Variants in RRM2B observed in about 807,000 individuals in gnomAD.
The protein encoded by RRM2B is ribonucleotide reductase regulatory TP53 inducible subunit M2B, also known as ribonucleoside-diphosphate reductase subunit M2 B.
A neutral mutation model predicts 45.9 loss-of-function variants in RRM2B; 20 were observed. The ratio of observed to expected loss-of-function variants is 0.44; its 90% CI spans 0.31 to 0.63. The LOEUF is 0.63. RRM2B is among the 30% of genes least tolerant of loss of function. The pLI, the probability that RRM2B is intolerant of heterozygous loss-of-function variation, is 0.09. For synonymous variants in RRM2B, 124 were observed against 132.3 expected (o/e 0.94, Z 0.43); for missense variants, 320 against 414.7 (o/e 0.77, Z 1.98).
chr8:102,222,468 T>C (rs1337774809), intron 5 of RRM2B, among the ~76,000 whole-genome samples: 3 of 152,210 alleles, frequency 2.0e-5, no homozygotes, highest in Non-Finnish European at 4.4e-5. Context: ...ATACGCACTA[T>C]ATCACTGGTT....
intron 2 of RRM2B, 77 bp downstream of exon 2, chr8:102,232,072 G>A (rs746900438): frequency 4.0e-5 from 52 of 1,299,558 alleles, no homozygotes; most frequent in Non-Finnish European, 4.7e-5. Context: ...ATAAGTTAAA[G>A]TTATTCAATA....
chr8:102,215,017 AC>A lies in RRM2B; in HGVS notation c.685-860del, dbSNP rs1162124727. Among the ~76,000 whole-genome samples the A allele has an allele frequency of 2.0e-5, 3 of 148,262 alleles. No individual in the cohort carries two copies. In the South Asian group the frequency reaches 6.4e-4, roughly 31 times the overall value. On this transcript the variant is annotated intron_variant, in intron 6 of 8. Coordinates refer to ENST00000251810, the MANE Select transcript of RRM2B (RefSeq NM_015713.5). ...CCTACAATAATCAGGACTCCAAAAC[AC>A]AGAATAGATAGTATAGAGCTAAATA...
At chr8:102,226,533 G>C (rs1229018655) in intron 2 of RRM2B, among the ~76,000 whole-genome samples, 1 of 152,032 alleles carries the variant, frequency 6.6e-6, no homozygotes, top group Non-Finnish European at 1.5e-5. Flanking sequence ...GTAAAAACTA[G>C]TCAAGAAGGC....
chr8:102,207,882 C>A lies in RRM2B; in HGVS notation c.*251G>T. ...GCAGAACCTTAGACTCATGTCTGAC[C>A]CCTCGCCCCATGCTCTTAACCACAT... On this transcript the variant is annotated 3_prime_UTR_variant, in exon 9 of 9. Transcript: ENST00000251810. 2.4e-6 allele frequency: 1 copy of A among 415,420 alleles called. No homozygotes were observed. Among genetic ancestry groups the A allele is most frequent in the Non-Finnish European group, 4.4e-6 (1 of 226,520 alleles). 25.7% of individuals were successfully genotyped at this position (415,420 alleles called of 1,614,324 possible). A position where few individuals can be genotyped will look rare whatever the true frequency, so the allele number is the denominator to read the frequency against.
chr8:102,219,187 G>C (rs1214277501), intron 5 of RRM2B, among the ~76,000 whole-genome samples: 5 of 152,188 alleles, frequency 3.3e-5, no homozygotes, highest in Non-Finnish European at 4.4e-5. Context: ...CTTGGCGTTG[G>C]ACAAAGAAGG....
At chr8:102,220,877 T>C (rs546257741) in intron 5 of RRM2B, among the ~76,000 whole-genome samples, 2 of 152,264 alleles carry the variant, frequency 1.3e-5, no homozygotes, top group South Asian at 4.1e-4. Context: ...TGAGAACATA[T>C]GTGAAATAAA....
chr8:102,229,177 C>T (rs1284146187), intron 2 of RRM2B, among the ~76,000 whole-genome samples: 3 of 152,066 alleles, frequency 2.0e-5, no homozygotes, highest in African/African-American at 7.2e-5. Context: ...CGCTTGAACC[C>T]AGGAGGAGGA....
chr8:102,224,966 C>T lies in RRM2B; in HGVS notation c.374G>A (p.Gly125Asp). 1.2e-6 allele frequency: 2 copies of T among 1,614,024 alleles called. No homozygotes were observed. Among genetic ancestry groups the T allele is most frequent in the Non-Finnish European group, 1.7e-6 (2 of 1,179,950 alleles). ...AACATTCTCGATGAGAATTTGAAAG[C>T]CATAGAAACAGCGAGCCTCTGGAAC... is the stretch of plus-strand genomic sequence containing the variant. ...VQVPEARCFY[G>D]FQILIENVHS... Residue 125 changes from glycine to aspartate, a missense_variant, in exon 4 of 9, where the codon GGC (glycine) becomes GAC (aspartate). This residue lies in a region of RRM2B where 225 missense variants were observed against 289.4 expected (regional missense o/e 0.78). Transcript: ENST00000251810.
chr8:102,207,360 T>C lies in RRM2B; in HGVS notation c.*773A>G, dbSNP rs1414285827. 1 of 152,196 alleles carries C rather than the reference T, an allele frequency of 6.6e-6. No individual in the cohort carries two copies. The highest frequency in any genetic ancestry group is 1.5e-5 in the Non-Finnish European group (1 of 68,038). The allele number at this position is 152,196 out of a possible 1,614,324, so 9.4% of individuals were successfully genotyped here. On this transcript the variant is annotated 3_prime_UTR_variant, in exon 9 of 9. Coordinates refer to ENST00000251810, the MANE Select transcript of RRM2B (RefSeq NM_015713.5). The stretch of plus-strand genomic sequence containing the variant: ...AACATTCCAGAGCTAAATCTGGCAA[T>C]AGTTATGTTTTTAATTTCTGAAGAA...
chr8:102,212,645 A>C (rs1810655019), intron 8 of RRM2B, 131 bp downstream of exon 8: 1 of 610,386 alleles, frequency 1.6e-6, no homozygotes, highest in African/African-American at 1.9e-5. Context: ...TGTTCATACA[A>C]AACAAGTCTC....
chr8:102,213,243 G>A (rs1810665900), intron 7 of RRM2B, among the ~76,000 whole-genome samples: 1 of 152,066 alleles, frequency 6.6e-6, no homozygotes, highest in Non-Finnish European at 1.5e-5. Context: ...TGATCATCAT[G>A]AAGAACATGA....
Position 102,238,947 on chromosome 8 carries a change from C to T in RRM2B, c.-73G>A. 1 of 1,485,878 alleles carries T rather than the reference C, an allele frequency of 6.7e-7. No individual in the cohort carries two copies. The allele number at this position is 1,485,878 out of a possible 1,614,324, so 92.0% of individuals were successfully genotyped here. A position where few individuals can be genotyped will look rare whatever the true frequency, so the allele number is the denominator to read the frequency against. Reference sequence around the variant, plus strand: ...CAGGCCACCTCCAACTACGACAGCACCCAGGTGGTCCGCTGGTCCGCTGGG... The same window carrying T: ...CAGGCCACCTCCAACTACGACAGCATCCAGGTGGTCCGCTGGTCCGCTGGG... On this transcript the variant is annotated 5_prime_UTR_variant, in exon 1 of 9. In the 5' UTR this introduces an upstream ATG that the reference lacks. Coordinates refer to ENST00000251810, the MANE Select transcript of RRM2B (RefSeq NM_015713.5).
intron 6 of RRM2B, among the ~76,000 whole-genome samples, chr8:102,217,038 T>C (rs1810741992): frequency 6.6e-6 from 1 of 152,074 alleles, no homozygotes; most frequent in Non-Finnish European, 1.5e-5. Flanking sequence ...CTTATATATA[T>C]GTAAAGGTAT....
intron 8 of RRM2B, among the ~76,000 whole-genome samples, chr8:102,209,864 A>G (rs1394009295): frequency 6.6e-5 from 10 of 152,252 alleles, no homozygotes; most frequent in Admixed American, 6.5e-4. Flanking sequence ...TAAGGAAAGA[A>G]GAGAACCACA....
chr8:102,218,751 A>T, intron 6 of RRM2B, 63 bp downstream of exon 6: 4 of 1,397,956 alleles, frequency 2.9e-6, no homozygotes, highest in Non-Finnish European at 4.0e-6. Context: ...AAGATGGAAA[A>T]GAAAAATAGA....
intron 8 of RRM2B, among the ~76,000 whole-genome samples, chr8:102,211,586 A>G (rs1161486525): frequency 6.6e-6 from 1 of 152,224 alleles, no homozygotes; most frequent in Non-Finnish European, 1.5e-5. Context: ...TGTGGATGTG[A>G]GGATATGGTA....
chr8:102,235,712 G>A (rs1453371956), intron 1 of RRM2B, among the ~76,000 whole-genome samples: 7 of 152,140 alleles, frequency 4.6e-5, no homozygotes, highest in African/African-American at 1.7e-4. Flanking sequence ...GGTGGCGTAC[G>A]CCTGTACTCC....
At chr8:102,232,495 T>C (rs1057137567) in intron 1 of RRM2B, among the ~76,000 whole-genome samples, 191 bp from the exon 2 acceptor site, 1 of 152,194 alleles carries the variant, frequency 6.6e-6, no homozygotes, top group African/African-American at 2.4e-5. Flanking sequence ...AGAAAGCTGC[T>C]TAACTTCTCT....
intron 2 of RRM2B, among the ~76,000 whole-genome samples, chr8:102,227,713 T>C (rs1475750994): frequency 6.6e-6 from 1 of 152,198 alleles, no homozygotes; most frequent in Non-Finnish European, 1.5e-5. Flanking sequence ...TGAACATTTC[T>C]GGAAGCTGAA....
Sources: gnomAD v4.1 joint callset for allele counts (sites outside exome capture counted in the v4.1 genomes callset) on GRCh38, gnomAD v4.1.1 for gene constraint, gnomAD v4.1.1 regional missense constraint, MANE v1.5 for transcripts, NCBI Gene and HGNC (gene_info 2026-07-23, HGNC 2026-07-21) for gene names.